RIN2: variants seen among roughly 807,000 people sequenced by gnomAD.
RIN2 encodes the protein RAB5 interacting protein 2.
In RIN2, 36 loss-of-function variants were observed where a neutral mutation model predicts 78.0. The ratio of observed to expected loss-of-function variants is 0.46; its 90% confidence interval spans 0.35 to 0.61. The LOEUF (loss-of-function observed/expected upper bound fraction) is 0.61, where lower values mean the gene tolerates loss of function less well. Among genes scored for constraint, RIN2 ranks in the 20% least tolerant of loss-of-function variants. RIN2 has a pLI of 0.00. For missense variants in RIN2, 1,087 were observed against 1,159.7 expected, an observed-to-expected ratio of 0.94 and a Z score of 0.91; for synonymous variants, 466 against 466.8, an observed-to-expected ratio of 1.00 and a Z score of 0.02.
At chr20:19,967,776 C>G (rs1420970534) in intron 7 of RIN2, among the ~76,000 whole-genome samples, 2 of 152,036 alleles carry the variant, frequency 1.3e-5, no homozygotes, top group Non-Finnish European at 2.9e-5. Context: ...CAGCAAGCTC[C>G]CATGGGTTAA....
At chr20:19,909,516 C>T (rs918131220) in intron 3 of RIN2, among the ~76,000 whole-genome samples, 18 of 152,190 alleles carry the variant, frequency 1.2e-4, no homozygotes, top group South Asian at 2.1e-4. Flanking sequence ...CATTTGTGTG[C>T]TTGTGTGCAC....
intron 1 of RIN2, among the ~76,000 whole-genome samples, chr20:19,791,729 T>C (rs1254353376): frequency 6.6e-6 from 1 of 152,220 alleles, no homozygotes; most frequent in Non-Finnish European, 1.5e-5. Context: ...AATTATTCTT[T>C]GAAATAAGTA....
chr20:19,996,206 C>T (rs1404395375), intron 11 of RIN2, among the ~76,000 whole-genome samples: 4 of 152,080 alleles, frequency 2.6e-5, no homozygotes, highest in Admixed American at 6.5e-5. Flanking sequence ...CCGAGCCACT[C>T]GGGAGGCTGA....
intron 2 of RIN2, among the ~76,000 whole-genome samples, chr20:19,857,343 G>A: frequency 6.6e-6 from 1 of 151,964 alleles, no homozygotes; most frequent in East Asian, 1.9e-4. Context: ...CTTATCCATT[G>A]TATGAATAAT....
chr20:19,976,177 T>C (rs1296380336), intron 9 of RIN2, among the ~76,000 whole-genome samples: 5 of 152,248 alleles, frequency 3.3e-5, no homozygotes, highest in East Asian at 1.9e-4. Flanking sequence ...TATTTTGTTC[T>C]GTCTTGGTTG....
At chr20:19,842,036 C>T (rs1309098095) in intron 2 of RIN2, among the ~76,000 whole-genome samples, 1 of 152,206 alleles carries the variant, frequency 6.6e-6, no homozygotes, top group Non-Finnish European at 1.5e-5. Flanking sequence ...AAAGAACAGG[C>T]TGACTCTTGT....
At chr20:19,782,936 G>A (rs2034558071) in intron 1 of RIN2, among the ~76,000 whole-genome samples, 1 of 152,236 alleles carries the variant, frequency 6.6e-6, no homozygotes, top group South Asian at 2.1e-4. Flanking sequence ...GCAACAGGAG[G>A]AGCCTAGAAT....
intron 1 of RIN2, among the ~76,000 whole-genome samples, chr20:19,776,958 C>T (rs1419049413): frequency 1.3e-5 from 2 of 152,166 alleles, no homozygotes; most frequent in African/African-American, 2.4e-5. Context: ...GGCTCTAACT[C>T]AGGCCACTGA....
intron 3 of RIN2, among the ~76,000 whole-genome samples, chr20:19,906,423 C>T (rs1329639069): frequency 6.6e-6 from 1 of 152,126 alleles, no homozygotes; most frequent in Non-Finnish European, 1.5e-5. Flanking sequence ...CACTCCAGAG[C>T]CTGGGTGACA....
At chr20:19,932,706 C>G (rs549862704) in intron 3 of RIN2, among the ~76,000 whole-genome samples, 1 of 152,270 alleles carries the variant, frequency 6.6e-6, no homozygotes, top group East Asian at 1.9e-4. Context: ...CTTAGATAAT[C>G]TCTCCCTGCC....
chr20:19,970,426 C>A (rs933306802), intron 7 of RIN2, among the ~76,000 whole-genome samples: 13 of 152,350 alleles, frequency 8.5e-5, no homozygotes, highest in South Asian at 4.1e-4. Flanking sequence ...GCTAATTCAT[C>A]TCGGTTTAGG....
intron 2 of RIN2, among the ~76,000 whole-genome samples, chr20:19,814,672 G>A (rs556201056): frequency 2.0e-5 from 3 of 152,156 alleles, no homozygotes; most frequent in East Asian, 3.9e-4. Flanking sequence ...CAATCAGACC[G>A]CACTGGAACT....
At chr20:19,777,084 C>T (rs759700598) in intron 1 of RIN2, among the ~76,000 whole-genome samples, 2 of 152,148 alleles carry the variant, frequency 1.3e-5, no homozygotes, top group African/African-American at 4.8e-5. Flanking sequence ...TGTTCAGGGG[C>T]GGGTCCATCC....
chr20:19,842,906 AT>A (rs1157576946), intron 2 of RIN2, among the ~76,000 whole-genome samples: 1 of 152,006 alleles, frequency 6.6e-6, no homozygotes, highest in Non-Finnish European at 1.5e-5. Context: ...AACATTCATG[AT>A]TCACAGGAGG....
chr20:19,837,750 T>C (rs1219015950), intron 2 of RIN2, among the ~76,000 whole-genome samples: 1 of 151,844 alleles, frequency 6.6e-6, no homozygotes, highest in Admixed American at 6.6e-5. Flanking sequence ...TTCTTTTTTC[T>C]CTTTCTTTTT....
At chr20:19,944,671 A>G (rs1180586745) in intron 4 of RIN2, among the ~76,000 whole-genome samples, 1 of 151,988 alleles carries the variant, frequency 6.6e-6, no homozygotes, top group Non-Finnish European at 1.5e-5. Context: ...TTTTAACACA[A>G]AAATATCAAG....
chr20:19,802,595 A>G (rs1170429501), intron 2 of RIN2, among the ~76,000 whole-genome samples: 2 of 152,088 alleles, frequency 1.3e-5, no homozygotes, highest in African/African-American at 4.8e-5. Context: ...TGGAGGGATG[A>G]CATCACTGAA....
intron 9 of RIN2, among the ~76,000 whole-genome samples, chr20:19,983,973 G>A (rs1402784903): frequency 1.3e-5 from 2 of 151,854 alleles, no homozygotes; most frequent in Non-Finnish European, 2.9e-5. Flanking sequence ...TTGGTTTGCT[G>A]CACCCATTAA....
rs1165543358 is a variant in RIN2 at position 19,810,878 on chromosome 20, G to T, written c.-37+11131G>T. Among the ~76,000 whole-genome samples, 35 of 135,442 alleles carry T rather than the reference G, an allele frequency of 2.6e-4. No individual in the cohort carries two copies. In the South Asian group the frequency reaches 4.4e-3, roughly 17 times the overall value. 88.9% of individuals were successfully genotyped at this position (135,442 alleles called of 152,430 possible). A position where few individuals can be genotyped will look rare whatever the true frequency, so the allele number is the denominator to read the frequency against. On this transcript the variant is annotated intron_variant, in intron 2 of 12. Transcript: ENST00000255006. ...CCGGCTAAATTTTGTGTGTGTGTGT[G>T]TTTTTTTTTTTTTTAGTAGAGACAG...
Sources: allele counts gnomAD v4.1 joint callset (sites outside exome capture counted in the v4.1 genomes callset), GRCh38; gene constraint gnomAD v4.1.1; transcripts MANE v1.5; gene names NCBI Gene and HGNC (gene_info 2026-07-23, HGNC 2026-07-21).